Variants in TMEM266 observed in about 807,000 individuals in gnomAD.
TMEM266 encodes transmembrane protein 266, also known as Hv1 related protein 1.
A neutral mutation model predicts 50.5 loss-of-function variants in TMEM266; 33 were observed. The observed-to-expected ratio is 0.65, with a 90% confidence interval of 0.50 to 0.87. The LOEUF (loss-of-function observed/expected upper bound fraction) is 0.87. Among genes scored for constraint, TMEM266 ranks in the 40% least tolerant of loss-of-function variants. The pLI is 0.00. For synonymous variants in TMEM266, 310 were observed against 292.3 expected (o/e 1.06, Z -0.62); for missense variants, 655 against 695.1 (o/e 0.94, Z 0.65).
intron 5 of TMEM266, among the ~76,000 whole-genome samples, chr15:76,162,142 G>A (rs1056588413): frequency 6.6e-6 from 1 of 152,174 alleles, no homozygotes; most frequent in East Asian, 1.9e-4. Context: ...TGAGCGGGGA[G>A]AGCAGGGTCT....
chr15:76,180,765 C>T (rs1481679078), intron 8 of TMEM266, among the ~76,000 whole-genome samples: 1 of 151,896 alleles, frequency 6.6e-6, no homozygotes, highest in Non-Finnish European at 1.5e-5. Flanking sequence ...AGGCACCTGC[C>T]ACCATGCCCA....
chr15:76,131,379 A>G (rs990346867), intron 1 of TMEM266, among the ~76,000 whole-genome samples: 1 of 152,196 alleles, frequency 6.6e-6, no homozygotes, highest in African/African-American at 2.4e-5. Flanking sequence ...TGTCTCAAAC[A>G]AACAAACAAA....
At chr15:76,112,519 C>T (rs1285746954) in intron 1 of TMEM266, 3 of 152,136 alleles carry the variant, frequency 2.0e-5, no homozygotes, top group Non-Finnish European at 4.4e-5. Flanking sequence ...AGTTGCTGGA[C>T]GATTGCTCAG....
chr15:76,161,588 C>G lies in TMEM266; in HGVS notation c.456+1420C>G, dbSNP rs769909609. Among the ~76,000 whole-genome samples the G allele has an allele frequency of 1.3e-5, 2 of 152,172 alleles. No homozygotes were observed. The highest frequency in any genetic ancestry group is 2.9e-5 in the Non-Finnish European group (2 of 68,016). ...GCAGGCATTCCAAGCATGGAACATT[C>G]CCTTTCCTGGGCCTCGCCTCCTACA... On this transcript the variant is annotated intron_variant, in intron 5 of 10. Coordinates refer to ENST00000388942, the MANE Select transcript of TMEM266 (RefSeq NM_152335.3). This position sits in a 1 kb window ranked among gnomAD's most constrained non-coding sequence, Gnocchi z 4.1.
intron 4 of TMEM266, 115 bp from the exon 5 acceptor site, chr15:76,159,980 C>T (rs1326344154): frequency 3.1e-5 from 30 of 964,816 alleles, no homozygotes; most frequent in Non-Finnish European, 4.2e-5. Flanking sequence ...CAGATCTAAA[C>T]GTTCATGCAG....
chr15:76,144,632 A>G (rs1462253058), intron 3 of TMEM266, among the ~76,000 whole-genome samples: 1 of 152,070 alleles, frequency 6.6e-6, no homozygotes, highest in African/African-American at 2.4e-5. Context: ...ACCACTCTAC[A>G]CCCAGGTCAC....
chr15:76,194,050 C>T (rs1006683326), intron 9 of TMEM266, among the ~76,000 whole-genome samples: 4 of 152,188 alleles, frequency 2.6e-5, no homozygotes, highest in Non-Finnish European at 4.4e-5. Flanking sequence ...CAGGTCCCCA[C>T]GATGCAGCCA....
chr15:76,189,573 G>C lies in TMEM266; in HGVS notation c.769-2395G>C, dbSNP rs963574773. Among the ~76,000 whole-genome samples the C allele has an allele frequency of 9.2e-5, 14 of 152,244 alleles. 1 individual carries two copies. In the East Asian group the frequency reaches 2.7e-3, roughly 29 times the overall value. On this transcript the variant is annotated intron_variant, in intron 8 of 10. Coordinates refer to ENST00000388942, the MANE Select transcript of TMEM266 (RefSeq NM_152335.3). ...GGGAAATGGGGTACTTTTCCCCTCG[G>C]AACCCCTGAGAGTCTGGGAGGAAGG... is the stretch of plus-strand genomic sequence containing the variant.
At chr15:76,156,208 A>G (rs1210914644) in intron 3 of TMEM266, among the ~76,000 whole-genome samples, 2 of 152,076 alleles carry the variant, frequency 1.3e-5, no homozygotes. Flanking sequence ...AAAAATACAA[A>G]AATTAGCCGG....
At chr15:76,101,527 G>A (rs1201130952) in intron 1 of TMEM266, among the ~76,000 whole-genome samples, 1 of 152,220 alleles carries the variant, frequency 6.6e-6, no homozygotes, top group Non-Finnish European at 1.5e-5. Context: ...GACACATTGG[G>A]AGACTTTGGG....
At chr15:76,122,353 C>T (rs1201949538) in intron 1 of TMEM266, among the ~76,000 whole-genome samples, 4 of 152,336 alleles carry the variant, frequency 2.6e-5, no homozygotes, top group East Asian at 1.9e-4. Context: ...TGAAAAATTA[C>T]ATGACAAACA....
chr15:76,079,070 G>A (rs1378004978), intron 1 of TMEM266, among the ~76,000 whole-genome samples: 1 of 152,216 alleles, frequency 6.6e-6, no homozygotes, highest in Non-Finnish European at 1.5e-5. Context: ...GAAGGTCACA[G>A]GGGATGTGCA....
intron 1 of TMEM266, among the ~76,000 whole-genome samples, chr15:76,100,191 T>C (rs2036982072): frequency 6.6e-6 from 1 of 152,160 alleles, no homozygotes; most frequent in South Asian, 2.1e-4. Flanking sequence ...GACAAGTGAA[T>C]TGTAAAAGTA....
intron 8 of TMEM266, among the ~76,000 whole-genome samples, chr15:76,185,967 A>G (rs11072576): frequency 0.24 from 36,278 of 152,128 alleles, 5,233 homozygotes; most frequent in East Asian, 0.57. Context: ...AGTCAGGGCA[A>G]GGGAGGGGTG....
At position 76,192,153 on chromosome 15, in the gene TMEM266, G is replaced by A. The variant is rs2038585550; in HGVS notation, c.954G>A (p.Ser318=). Residue 318 remains serine, a synonymous_variant, in exon 9 of 11, where the codon TCG becomes TCA. Transcript: ENST00000388942. ...GCGTCGTGGAGGAGCTGCAGCCCTC[G>A]CAAGGTAAGCCCGGGTCTCCACCCG... 7.1e-7 allele frequency: 1 copy of A among 1,400,130 alleles called. No homozygotes were observed. The highest frequency in any genetic ancestry group is 9.3e-7 in the Non-Finnish European group (1 of 1,080,688). 86.7% of individuals were successfully genotyped at this position (1,400,130 alleles called of 1,614,324 possible).
chr15:76,184,693 A>T (rs9673060), intron 8 of TMEM266, among the ~76,000 whole-genome samples: 2,025 of 152,288 alleles, frequency 0.013, 39 homozygotes, highest in African/African-American at 0.04. Flanking sequence ...GGACCATTAA[A>T]GGCGGAGAAG....
chr15:76,068,299 A>G (rs957739868), intron 1 of TMEM266, among the ~76,000 whole-genome samples: 1 of 152,172 alleles, frequency 6.6e-6, no homozygotes, highest in African/African-American at 2.4e-5. Flanking sequence ...TACACAGATG[A>G]TCTCCAAAAT....
Position 76,202,269 on chromosome 15 carries a change from G to C in TMEM266, c.1021+5G>C. The C allele has an allele frequency of 6.2e-7, 1 of 1,612,864 alleles. No individual in the cohort carries two copies. Among genetic ancestry groups the C allele is most frequent in the Non-Finnish European group, 8.5e-7 (1 of 1,179,204 alleles). The stretch of plus-strand genomic sequence containing the variant: ...ATTACAATGGGCCCAGCAGTGGTAA[G>C]TCTGGGTTGGGGCTGTTCTACATGT... On this transcript the variant is annotated splice_donor_5th_base_variant and intron_variant, in intron 10 of 10. Coordinates refer to ENST00000388942, the MANE Select transcript of TMEM266 (RefSeq NM_152335.3).
At chr15:76,196,089 G>C (rs556737883) in intron 9 of TMEM266, among the ~76,000 whole-genome samples, 2 of 152,202 alleles carry the variant, frequency 1.3e-5, no homozygotes, top group Non-Finnish European at 2.9e-5. Flanking sequence ...AGGATGTCAC[G>C]GGGTCTGCAG....
Sources: gnomAD v4.1 joint callset for allele counts (sites outside exome capture counted in the v4.1 genomes callset) on GRCh38, gnomAD v4.1.1 for gene constraint, Gnocchi (gnomAD v3.1) non-coding constraint, MANE v1.5 for transcripts, NCBI Gene and HGNC (gene_info 2026-07-23, HGNC 2026-07-21) for gene names.